The following ZBTB11 variants were observed in gnomAD, a reference collection of about 807,000 sequenced individuals.
ZBTB11 encodes zinc finger and BTB domain containing 11.
In ZBTB11, 68 loss-of-function variants were observed where a neutral mutation model predicts 113.1. That is an observed-to-expected ratio of 0.60 (90% confidence interval 0.49 to 0.74). The LOEUF is 0.74. Ranked by LOEUF, ZBTB11 falls within the 30% of genes least tolerant of loss-of-function variation. The pLI is 0.00. For synonymous variants in ZBTB11, 518 were observed against 452.6 expected, an observed-to-expected ratio of 1.14 and a Z score of -1.83; for missense variants, 1,104 against 1,279.4, an observed-to-expected ratio of 0.86 and a Z score of 2.09.
chr3:101,651,745 G>A, intron 10 of ZBTB11, 62 bp from the exon 11 acceptor site: 1 of 1,458,518 alleles, frequency 6.9e-7, no homozygotes, highest in Non-Finnish European at 9.0e-7. Flanking sequence ...TACTTAAACT[G>A]CCTACCAAAC....
At chr3:101,660,123 A>C (rs753603029) in intron 5 of ZBTB11, 95 bp from the exon 6 acceptor site, 1 of 1,207,280 alleles carries the variant, frequency 8.3e-7, no homozygotes, top group Non-Finnish European at 1.2e-6. Flanking sequence ...TGTTACAATT[A>C]TATAAATCAA....
chr3:101,658,107 G>C (rs900185637), intron 6 of ZBTB11, among the ~76,000 whole-genome samples: 33 of 152,062 alleles, frequency 2.2e-4, no homozygotes, highest in African/African-American at 7.0e-4. Flanking sequence ...TCAATGAGCA[G>C]ATAAAGAAAA....
chr3:101,666,481 C>G (rs1430839791), intron 3 of ZBTB11, among the ~76,000 whole-genome samples: 9 of 151,248 alleles, frequency 6.0e-5, no homozygotes, highest in African/African-American at 1.9e-4. Context: ...GGTCCTTGGG[C>G]TGTAGTTTGC....
chr3:101,661,886 C>T (rs981175536), intron 5 of ZBTB11, among the ~76,000 whole-genome samples: 1 of 151,972 alleles, frequency 6.6e-6, no homozygotes, highest in African/African-American at 2.4e-5. Context: ...CTATTATTTT[C>T]TTTCACTCCC....
chr3:101,661,163 C>T (rs1464991838), intron 5 of ZBTB11, among the ~76,000 whole-genome samples: 1 of 147,762 alleles, frequency 6.8e-6, no homozygotes, highest in South Asian at 2.1e-4. Flanking sequence ...GAGCCTGGGA[C>T]GTGGAGGTTG....
rs1936668020 is a variant in ZBTB11, at chr3:101,649,899, C to T, written c.*1267G>A. On this transcript the variant is annotated 3_prime_UTR_variant, in exon 11 of 11. Transcript: ENST00000312938. ...TTATACTTTATAACAGCTTCTAATA[C>T]CTAAAAGCTTAATTTTTAACAATTA... The T allele has an allele frequency of 6.6e-6, 1 of 152,500 alleles. No homozygotes were observed. The highest frequency in any genetic ancestry group is 6.6e-5 in the Admixed American group (1 of 15,254). 9.4% of individuals were successfully genotyped at this position (152,500 alleles called of 1,614,324 possible). A position where few individuals can be genotyped will look rare whatever the true frequency, so the allele number is the denominator to read the frequency against.
At chr3:101,663,994 G>A (rs537067304) in intron 5 of ZBTB11, among the ~76,000 whole-genome samples, 1 of 152,294 alleles carries the variant, frequency 6.6e-6, no homozygotes. Context: ...AGTACATTTA[G>A]CTTCACTGTA....
At chr3:101,663,890 A>AAAAAC (rs1004949952) in intron 5 of ZBTB11, among the ~76,000 whole-genome samples, 6 of 152,302 alleles carry the variant, frequency 3.9e-5, no homozygotes, top group East Asian at 1.9e-4. Context: ...ACTCCATCTC[A>AAAAAC]AAAACAAAAC....
chr3:101,654,663 ATAAT>A, intron 8 of ZBTB11, 37 bp downstream of exon 8: 1 of 1,518,746 alleles, frequency 6.6e-7, no homozygotes, highest in South Asian at 1.2e-5. Context: ...GAGTAAAAAC[ATAAT>A]TAAATTAACT....
intron 5 of ZBTB11, among the ~76,000 whole-genome samples, chr3:101,662,847 G>C (rs1576647905): frequency 6.6e-6 from 1 of 151,688 alleles, no homozygotes; most frequent in Non-Finnish European, 1.5e-5. Context: ...CTGTAGCCTT[G>C]ACCTCCTGGG....
chr3:101,667,105 G>A (rs927465222), intron 3 of ZBTB11, among the ~76,000 whole-genome samples: 2 of 152,128 alleles, frequency 1.3e-5, no homozygotes, highest in African/African-American at 2.4e-5. Flanking sequence ...CCAGGCTGAA[G>A]CGCAGTGGAT....
intron 5 of ZBTB11, among the ~76,000 whole-genome samples, chr3:101,663,345 T>C (rs1936925622): frequency 6.6e-6 from 1 of 152,204 alleles, no homozygotes; most frequent in Non-Finnish European, 1.5e-5. Flanking sequence ...ATGTTACGAT[T>C]ATAGGTGTGA....
Position 101,659,934 on chromosome 3 carries a change from G to A in ZBTB11, c.1895C>T (p.Ser632Phe). 1 of 1,614,156 alleles carries A rather than the reference G, an allele frequency of 6.2e-7. No homozygotes were observed. Among genetic ancestry groups the A allele is most frequent in the Non-Finnish European group, 8.5e-7 (1 of 1,180,030 alleles). Reference sequence around the variant, plus strand: ...TGTTCCCGATGCTTCATTAGACGTGGAATTGGACGAGGATGAAGAGGGTGC... The same window carrying A: ...TGTTCCCGATGCTTCATTAGACGTGAAATTGGACGAGGATGAAGAGGGTGC... The part of the protein sequence containing the change: ...KDAPSSSSSN[S>F]TSNEASGTSS... The change falls in exon 6 of 11, where the codon TCC (serine) becomes TTC (phenylalanine). Residue 632 changes from serine (S) to phenylalanine (F), a missense_variant. Physicochemically the swap from Ser to Phe is radical, Grantham distance 155. Transcript: ENST00000312938.
Sources: gnomAD v4.1 joint callset for allele counts (sites outside exome capture counted in the v4.1 genomes callset) on GRCh38, gnomAD v4.1.1 for gene constraint, MANE v1.5 for transcripts, NCBI Gene and HGNC (gene_info 2026-07-23, HGNC 2026-07-21) for gene names.